FRMD4B: variants seen among roughly 807,000 people sequenced by gnomAD.
FRMD4B encodes FERM domain containing 4B.
A neutral mutation model predicts 141.5 loss-of-function variants in FRMD4B; 74 were observed. The observed-to-expected ratio is 0.52, with a 90% CI of 0.43 to 0.63. The LOEUF is 0.63. Among genes scored for constraint, FRMD4B ranks in the 30% least tolerant of loss-of-function variants. The pLI is 0.00. For synonymous variants in FRMD4B, 506 were observed against 467.9 expected, an observed-to-expected ratio of 1.08 and a Z score of -1.05; for missense variants, 1,366 against 1,253.4, an observed-to-expected ratio of 1.09 and a Z score of -1.36.
intron 20 of FRMD4B, among the ~76,000 whole-genome samples, chr3:69,182,046 G>A (rs1364292547): frequency 1.3e-5 from 2 of 152,094 alleles, no homozygotes; most frequent in African/African-American, 2.4e-5. Context: ...AAAACCCAAC[G>A]TGTCTTTGGA....
intron 5 of FRMD4B, among the ~76,000 whole-genome samples, chr3:69,254,414 C>T (rs189323963): frequency 3.3e-5 from 5 of 152,202 alleles, no homozygotes. Context: ...CAGCCAAAAC[C>T]CACAACTTTT....
chr3:69,229,371 C>A (rs1015644364), intron 7 of FRMD4B, among the ~76,000 whole-genome samples: 1 of 151,982 alleles, frequency 6.6e-6, no homozygotes, highest in African/African-American at 2.4e-5. Flanking sequence ...TATTTCTTCA[C>A]GTTAGAAAAG....
At chr3:69,323,644 A>ATATATATT (rs1195850339) in intron 1 of FRMD4B, among the ~76,000 whole-genome samples, 2 of 93,960 alleles carry the variant, frequency 2.1e-5, no homozygotes, top group African/African-American at 3.7e-5. Context: ...ATATATATAT[A>ATATATATT]TATATATATG....
intron 1 of FRMD4B, among the ~76,000 whole-genome samples, chr3:69,332,263 A>G (rs908677583): frequency 6.6e-5 from 10 of 152,194 alleles, no homozygotes; most frequent in African/African-American, 1.9e-4. Context: ...CCTAGTCTGA[A>G]TGTTCCATCA....
chr3:69,253,239 G>T, intron 5 of FRMD4B, among the ~76,000 whole-genome samples: 1 of 134,510 alleles, frequency 7.4e-6, no homozygotes, highest in African/African-American at 2.7e-5. Flanking sequence ...TCAGGAAGAT[G>T]AAGTGTAATG....
intron 1 of FRMD4B, among the ~76,000 whole-genome samples, chr3:69,476,799 T>C (rs1391669560): frequency 1.3e-5 from 2 of 152,182 alleles, no homozygotes; most frequent in Non-Finnish European, 2.9e-5. Flanking sequence ...TTGGGCAGTA[T>C]GGCTATTTTC....
intron 1 of FRMD4B, among the ~76,000 whole-genome samples, chr3:69,484,247 A>G (rs532132871): frequency 6.6e-6 from 1 of 152,336 alleles, no homozygotes; most frequent in East Asian, 1.9e-4. Context: ...AGTGGTCATA[A>G]GCCTCTGTAA....
At chr3:69,236,535 T>C (rs1427800744) in intron 7 of FRMD4B, among the ~76,000 whole-genome samples, 1 of 152,094 alleles carries the variant, frequency 6.6e-6, no homozygotes, top group Admixed American at 6.6e-5. Context: ...GGCCCCAAAT[T>C]TGGTTTTTGA....
chr3:69,530,597 T>A (rs1200638707), intron 1 of FRMD4B, among the ~76,000 whole-genome samples: 1 of 152,110 alleles, frequency 6.6e-6, no homozygotes, highest in Admixed American at 6.5e-5. Context: ...CAGGTATACC[T>A]TTATAGCAAC....
At chr3:69,352,993 A>G (rs1026309582) in intron 1 of FRMD4B, among the ~76,000 whole-genome samples, 5 of 152,136 alleles carry the variant, frequency 3.3e-5, no homozygotes, top group African/African-American at 7.2e-5. Context: ...ACGATGAACA[A>G]TTATAAATCA....
In FRMD4B at chr3:69,302,379, T is replaced by C. The variant is rs1701246642; in HGVS notation, c.380A>G (p.Lys127Arg). 1 of 1,609,776 alleles carries C rather than the reference T, an allele frequency of 6.2e-7. No homozygotes were observed. Among genetic ancestry groups the C allele is most frequent in the Admixed American group, 1.7e-5 (1 of 59,772 alleles). The change falls in exon 4 of 23, where the codon AAG (lysine) becomes AGG (arginine). Residue 127 changes from lysine (K) to arginine (R), a missense_variant. By Grantham distance (26) the Lys-to-Arg change is conservative (BLOSUM62 2). Coordinates refer to ENST00000398540, the MANE Select transcript of FRMD4B (RefSeq NM_015123.3). ...GTGCAAAATGGTTGGGCCTGGTTTC[T>C]TGGGCAAATCGTGGTCAAGAACTCG... ...DHRVLDHDLP[K>R]KPGPTILHFA...
intron 1 of FRMD4B, among the ~76,000 whole-genome samples, chr3:69,540,654 T>TAC (rs1487394957): frequency 1.2e-3 from 91 of 78,226 alleles, no homozygotes; most frequent in African/African-American, 2.9e-3. Flanking sequence ...TATATATATA[T>TAC]ATATATACAC....
intron 20 of FRMD4B, 30 bp downstream of exon 20, chr3:69,182,568 G>A (rs145270567): frequency 2.5e-6 from 4 of 1,581,808 alleles, no homozygotes; most frequent in East Asian, 2.3e-5. Flanking sequence ...AATCAAGACA[G>A]CTAAAGCAAT....
chr3:69,262,964 A>G (rs963363061), intron 5 of FRMD4B, among the ~76,000 whole-genome samples: 1 of 152,122 alleles, frequency 6.6e-6, no homozygotes, highest in African/African-American at 2.4e-5. Context: ...AAATGCTGTT[A>G]AAAGCAATTG....
intron 1 of FRMD4B, among the ~76,000 whole-genome samples, chr3:69,448,011 A>C (rs142617650): frequency 8.4e-4 from 125 of 148,992 alleles, no homozygotes; most frequent in Non-Finnish European, 1.6e-3. Flanking sequence ...TCTCATGGAC[A>C]TTCCAATACA....
intron 11 of FRMD4B, among the ~76,000 whole-genome samples, chr3:69,203,658 C>A (rs1336245120): frequency 1.3e-5 from 2 of 152,288 alleles, no homozygotes; most frequent in East Asian, 3.9e-4. Flanking sequence ...ATCTCAGTGT[C>A]TGCATCTGTA....
intron 7 of FRMD4B, among the ~76,000 whole-genome samples, chr3:69,243,315 C>T (rs1030606070): frequency 2.0e-5 from 3 of 152,246 alleles, no homozygotes; most frequent in African/African-American, 4.8e-5. Flanking sequence ...GGGAGGATTG[C>T]TGTTTTTAAA....
At chr3:69,458,528 G>C (rs138264991) in intron 1 of FRMD4B, among the ~76,000 whole-genome samples, 5 of 152,298 alleles carry the variant, frequency 3.3e-5, no homozygotes, top group Non-Finnish European at 5.9e-5. Flanking sequence ...TACAAAGACT[G>C]AACATGGAAG....
At chr3:69,503,936 A>G (rs578050730) in intron 1 of FRMD4B, among the ~76,000 whole-genome samples, 1 of 152,314 alleles carries the variant, frequency 6.6e-6, no homozygotes, top group African/African-American at 2.4e-5. Context: ...CCAGTCAAAC[A>G]CTTAGCCCAG....
Sources: gnomAD v4.1 joint callset for allele counts (sites outside exome capture counted in the v4.1 genomes callset) on GRCh38, gnomAD v4.1.1 for gene constraint, MANE v1.5 for transcripts, NCBI Gene and HGNC (gene_info 2026-07-23, HGNC 2026-07-21) for gene names.